Variants in STS observed in about 807,000 individuals in gnomAD.
The protein encoded by STS is steroid sulfatase.
STS carries 7 observed loss-of-function variants against 26.8 expected under a neutral mutation model. The ratio of observed to expected loss-of-function variants is 0.26; its 90% confidence interval spans 0.15 to 0.49. The LOEUF is 0.49. STS is among the 20% of genes least tolerant of loss of function. The pLI, the probability that STS is intolerant of heterozygous loss-of-function variation, is 0.98. For synonymous variants in STS, 199 were observed against 189.4 expected (o/e 1.05, Z -0.42); for missense variants, 434 against 465.6 (o/e 0.93, Z 0.63).
At chrX:7,332,797 T>C (rs1927821695) in intron 9 of STS, among the ~76,000 whole-genome samples, 1 of 112,027 alleles carries the variant, frequency 8.9e-6, no homozygotes, top group Admixed American at 9.5e-5. Context: ...GAACTCTCTC[T>C]ACGGTGTTTC....
At chrX:7,253,123 C>A in intron 2 of STS, 73 bp from the exon 3 acceptor site, 1 of 1,159,555 alleles carries the variant, frequency 8.6e-7, no homozygotes, top group Non-Finnish European at 1.2e-6. Flanking sequence ...CTCACCCCAG[C>A]CTGGGCAACA....
chrX:7,273,077 G>T (rs1239352188), intron 6 of STS, among the ~76,000 whole-genome samples: 2 of 111,472 alleles, frequency 1.8e-5, no homozygotes, highest in African/African-American at 6.5e-5. Flanking sequence ...TTGAACCCAG[G>T]AGGTAGAGGT....
intron 2 of STS, among the ~76,000 whole-genome samples, chrX:7,247,905 C>T (rs1922961585): frequency 8.9e-6 from 1 of 111,961 alleles, no homozygotes; most frequent in African/African-American, 3.2e-5. Context: ...TAATGGAACC[C>T]ATTATCCTGG....
chrX:7,326,273 C>G (rs1927467048), intron 9 of STS, among the ~76,000 whole-genome samples: 1 of 111,739 alleles, frequency 8.9e-6, no homozygotes, highest in Non-Finnish European at 1.9e-5. Context: ...ACCCCTCTGC[C>G]AATCTCTTTA....
chrX:7,178,041 G>A (rs770488761), intron 1 of STS, among the ~76,000 whole-genome samples: 1 of 109,556 alleles, frequency 9.1e-6, no homozygotes, highest in African/African-American at 3.3e-5. Flanking sequence ...CTTCCACCTT[G>A]GTCTCCCAAA....
intron 1 of STS, among the ~76,000 whole-genome samples, chrX:7,176,019 C>G (rs1933563873): frequency 9.0e-6 from 1 of 111,636 alleles, no homozygotes; most frequent in South Asian, 3.7e-4. Context: ...ATGTTCCTAC[C>G]TTGCCTCTCC....
At chrX:7,205,735 T>C (rs1166784879) in intron 2 of STS, among the ~76,000 whole-genome samples, 1 of 105,828 alleles carries the variant, frequency 9.4e-6, no homozygotes, top group Non-Finnish European at 1.9e-5. Context: ...AATCTCTTCC[T>C]CCTGGGCTCA....
At chrX:7,325,690 G>A (rs1402863448) in intron 9 of STS, among the ~76,000 whole-genome samples, 192 bp downstream of exon 9, 1 of 112,529 alleles carries the variant, frequency 8.9e-6, no homozygotes, top group African/African-American at 3.2e-5. Context: ...TACACAGCAG[G>A]CTTCCAAAGG....
intron 7 of STS, among the ~76,000 whole-genome samples, chrX:7,279,737 C>G (rs1178543694): frequency 1.8e-5 from 2 of 110,098 alleles, no homozygotes; most frequent in African/African-American, 6.6e-5. Flanking sequence ...ACTTCACCTT[C>G]TATGGGAGAA....
At position 7,342,743 on chromosome X, in the gene STS, A is replaced by G. The variant is rs752987267; in HGVS notation, c.1364-7145A>G. Among the ~76,000 whole-genome samples, 4 of 112,602 alleles carry G rather than the reference A, an allele frequency of 3.6e-5. No homozygotes were observed. In the East Asian group the frequency reaches 1.1e-3, roughly 31 times the overall value. ...TGGCAGTGAACCTCAGGGGTCAGAA[A>G]CAGAGCTTGGGGCCAAGATGCTTTT... On this transcript the variant is annotated intron_variant, in intron 10 of 10. Coordinates refer to ENST00000674429, the MANE Select transcript of STS (RefSeq NM_001320752.2).
At chrX:7,296,827 G>A (rs1057071976) in intron 7 of STS, among the ~76,000 whole-genome samples, 3 of 112,019 alleles carry the variant, frequency 2.7e-5, no homozygotes, top group African/African-American at 9.7e-5. Context: ...CACACATTAC[G>A]ACTGCCATTA....
chrX:7,336,110 A>G (rs754794337), intron 10 of STS, among the ~76,000 whole-genome samples: 44 of 111,348 alleles, frequency 4.0e-4, no homozygotes, highest in African/African-American at 1.4e-3. Flanking sequence ...GTGGTGAGCA[A>G]TTTACACAAT....
At chrX:7,165,434 A>T (rs1933330137) in intron 1 of STS, among the ~76,000 whole-genome samples, 1 of 110,996 alleles carries the variant, frequency 9.0e-6, no homozygotes, top group South Asian at 3.9e-4. Flanking sequence ...GAGGAGATTG[A>T]CACCAGGAGT....
intron 8 of STS, among the ~76,000 whole-genome samples, chrX:7,305,958 G>C (rs1926194943): frequency 9.0e-6 from 1 of 111,641 alleles, no homozygotes; most frequent in African/African-American, 3.3e-5. Context: ...GCATCTTTGG[G>C]AGACCGTTAT....
intron 2 of STS, among the ~76,000 whole-genome samples, chrX:7,224,710 A>G (rs1490995671): frequency 2.7e-5 from 3 of 111,938 alleles, no homozygotes; most frequent in African/African-American, 9.7e-5. Flanking sequence ...AAGCTACCCA[A>G]TCTGTTGCAT....
intron 7 of STS, among the ~76,000 whole-genome samples, chrX:7,279,092 T>G (rs1391533539): frequency 9.3e-6 from 1 of 107,981 alleles, no homozygotes; most frequent in Non-Finnish European, 1.9e-5. Context: ...TCACCTGAGG[T>G]CAGGAGTTCG....
At chrX:7,291,585 C>T (rs1925421013) in intron 7 of STS, among the ~76,000 whole-genome samples, 1 of 111,910 alleles carries the variant, frequency 8.9e-6, no homozygotes, top group Non-Finnish European at 1.9e-5. Context: ...CCATACTTAA[C>T]ACAAAATTTC....
At chrX:7,219,753 A>G in intron 2 of STS, 1 of 1,108,553 alleles carries the variant, frequency 9.0e-7, no homozygotes, top group Admixed American at 2.2e-5. Context: ...TGGGATGTTC[A>G]CAGCAGCTAC....
At chrX:7,270,537 C>T (rs778206623) in intron 6 of STS, among the ~76,000 whole-genome samples, 11 of 111,666 alleles carry the variant, frequency 9.9e-5, no homozygotes, top group Non-Finnish European at 1.5e-4. Flanking sequence ...TTTTGCAAGC[C>T]AAGTATGCTT....
Sources: gnomAD v4.1 joint callset for allele counts (sites outside exome capture counted in the v4.1 genomes callset) on GRCh38, gnomAD v4.1.1 for gene constraint, MANE v1.5 for transcripts, NCBI Gene and HGNC (gene_info 2026-07-23, HGNC 2026-07-21) for gene names.